Variants in FSCN1 observed in about 807,000 individuals in gnomAD.
FSCN1 encodes fascin.
In FSCN1, 10 loss-of-function variants were observed where a neutral mutation model predicts 39.7. The ratio of observed to expected loss-of-function variants is 0.25; its 90% confidence interval spans 0.16 to 0.43. FSCN1 has a LOEUF of 0.43. FSCN1 is among the 20% of genes least tolerant of loss of function. The pLI, the probability that FSCN1 is intolerant of heterozygous loss-of-function variation, is 1.00. For missense variants in FSCN1, 525 were observed against 723.8 expected, an observed-to-expected ratio of 0.73 and a Z score of 3.15; for synonymous variants, 322 against 320.0, an observed-to-expected ratio of 1.01 and a Z score of -0.07.
In FSCN1 at chr7:5,593,095, C is replaced by G. The variant is rs1212125090; in HGVS notation, c.159C>G (p.Asp53Glu). 2 of 1,605,416 alleles carry G rather than the reference C, an allele frequency of 1.2e-6. No individual in the cohort carries two copies. Among genetic ancestry groups the G allele is most frequent in the Non-Finnish European group, 1.7e-6 (2 of 1,177,248 alleles). The change falls in exon 1 of 5, where the codon GAC becomes GAG. Residue 53 changes from aspartate (D) to glutamate (E), a missense_variant. Asp to Glu is a conservative substitution (Grantham distance 45). Coordinates refer to ENST00000382361, the MANE Select transcript of FSCN1 (RefSeq NM_003088.4). ...TCTGGACGCTGGAGCAGCCCCCTGA[C>G]GAGGCGGGCAGCGCGGCCGTGTGCC... ...KQIWTLEQPP[D>E]EAGSAAVCLR...
chr7:5,598,978 GCTCCCTGC>G (rs1785779025), intron 1 of FSCN1, among the ~76,000 whole-genome samples: 1 of 152,192 alleles, frequency 6.6e-6, no homozygotes, highest in African/African-American at 2.4e-5. Context: ...TGGCCTGACG[GCTCCCTGC>G]AGCCCTGCGG....
chr7:5,600,248 C>T lies in FSCN1; in HGVS notation c.833-3009C>T, dbSNP rs371248235. Among the ~76,000 whole-genome samples, 12 of 152,032 alleles carry T rather than the reference C, an allele frequency of 7.9e-5. No homozygotes were observed. The East Asian group carries it at 1.2e-3, about 15-fold the overall frequency. The stretch of plus-strand genomic sequence containing the variant: ...CCAACATAATGAAACTCCGTCTCTA[C>T]TAAAAATACAAAAAAATTAGCCGGG... On this transcript the variant is annotated intron_variant, in intron 1 of 4. Coordinates refer to ENST00000382361, the MANE Select transcript of FSCN1 (RefSeq NM_003088.4).
chr7:5,603,465 C>CCCCGCCTGACCCTGT lies in FSCN1; in HGVS notation c.990-24_990-10dup, dbSNP rs1390101287. 6.2e-7 allele frequency: 1 copy of CCCCGCCTGACCCTGT among 1,613,908 alleles called. No homozygotes were observed. The highest frequency in any genetic ancestry group is 2.2e-5 in the East Asian group (1 of 44,890). On this transcript the variant is annotated intron_variant, in intron 2 of 4. Coordinates refer to ENST00000382361, the MANE Select transcript of FSCN1 (RefSeq NM_003088.4). This position sits in a 1 kb window ranked among gnomAD's most constrained non-coding sequence, Gnocchi z 8.5. ...CGCCCCCACCACCTTGCCTGGGCTA[C>CCCCGCCTGACCCTGT]CCCGCCTGACCCTGTCCCGCCATCC... is the stretch of plus-strand genomic sequence containing the variant.
chr7:5,593,498 G>A lies in FSCN1; in HGVS notation c.562G>A (p.Val188Met), dbSNP rs371640415. The A allele has an allele frequency of 3.5e-5, 56 of 1,608,840 alleles. No individual in the cohort carries two copies. The Middle Eastern group carries it at 2.0e-3, about 58-fold the overall frequency. Reference protein sequence around the residue: ...TLAFQDQRYSVQTADHRFLRH... With the variant: ...TLAFQDQRYSMQTADHRFLRH... ...CGCCTTCCAGGACCAGCGCTACAGC[G>A]TGCAGACCGCCGACCACCGCTTCCT... Residue 188 changes from valine (V) to methionine (M), a missense_variant, in exon 1 of 5, where the codon GTG becomes ATG. By Grantham distance (21) the Val-to-Met change is conservative (BLOSUM62 1). Transcript: ENST00000382361.
intron 1 of FSCN1, among the ~76,000 whole-genome samples, chr7:5,595,356 C>T (rs1785711477): frequency 6.6e-6 from 1 of 152,222 alleles, no homozygotes; most frequent in African/African-American, 2.4e-5. Context: ...GAAGTGGGTG[C>T]ATTTGGCTCC....
At chr7:5,597,019 C>T (rs557762602) in intron 1 of FSCN1, among the ~76,000 whole-genome samples, 2 of 152,246 alleles carry the variant, frequency 1.3e-5, no homozygotes, top group African/African-American at 2.4e-5. Flanking sequence ...TGTGAGGCAA[C>T]CAGGGGGTGC....
At chr7:5,602,041 T>C (rs1785841279) in intron 1 of FSCN1, among the ~76,000 whole-genome samples, 1 of 151,374 alleles carries the variant, frequency 6.6e-6, no homozygotes, top group Non-Finnish European at 1.5e-5. Context: ...GCCTCCCAGG[T>C]TGAAGTGATT....
In FSCN1 at chr7:5,592,880, C is replaced by T. The variant is rs1286360162; in HGVS notation, c.-57C>T. The T allele has an allele frequency of 9.0e-7, 1 of 1,113,190 alleles. No homozygotes were observed. Among genetic ancestry groups the T allele is most frequent in the Non-Finnish European group, 1.3e-6 (1 of 796,738 alleles). The allele number at this position is 1,113,190 out of a possible 1,614,324, so 69.0% of individuals were successfully genotyped here. ...GAACAAAGGAGCAGGGGCGCCGCCG[C>T]AGGGACCCGCCACCCACCTCCCGGG... On this transcript the variant is annotated 5_prime_UTR_variant, in exon 1 of 5. Coordinates refer to ENST00000382361, the MANE Select transcript of FSCN1 (RefSeq NM_003088.4). This position sits in a 1 kb window ranked among gnomAD's most constrained non-coding sequence, Gnocchi z 5.3.
chr7:5,597,679 C>T (rs1278996514), intron 1 of FSCN1, among the ~76,000 whole-genome samples: 1 of 128,072 alleles, frequency 7.8e-6, no homozygotes. Context: ...AAAAACAAAA[C>T]AAAACAAAAA....
In FSCN1 at chr7:5,605,494, G is replaced by A. The variant is rs373433239; in HGVS notation, c.*20G>A. 8 of 1,513,260 alleles carry A rather than the reference G, an allele frequency of 5.3e-6. No homozygotes were observed. The highest frequency in any genetic ancestry group is 2.5e-5 in the East Asian group (1 of 40,698). The allele number at this position is 1,513,260 out of a possible 1,614,324, so 93.7% of individuals were successfully genotyped here. A position where few individuals can be genotyped will look rare whatever the true frequency, so the allele number is the denominator to read the frequency against. On this transcript the variant is annotated 3_prime_UTR_variant, in exon 5 of 5. Coordinates refer to ENST00000382361, the MANE Select transcript of FSCN1 (RefSeq NM_003088.4). The surrounding 1 kb of genome is among the most constrained non-coding windows in gnomAD (Gnocchi z 6.9). ...TACTAGGGCCGGCCCGTCCTTCCCC[G>A]CCCCTGCCCACATGGCGGCTCCTGC...
Position 5,593,656 on chromosome 7 carries a change from C to G in FSCN1, c.720C>G (p.Leu240=). The G allele has an allele frequency of 1.3e-6, 2 of 1,581,470 alleles. No homozygotes were observed. The highest frequency in any genetic ancestry group is 2.3e-5 in the South Asian group (2 of 88,362). ...YLAPSGPSGT[L]KAGKATKVGK... Reference sequence around the variant, plus strand: ...CGCCGTCGGGGCCCAGCGGCACGCTCAAGGCGGGCAAGGCCACCAAGGTGG... The same window carrying G: ...CGCCGTCGGGGCCCAGCGGCACGCTGAAGGCGGGCAAGGCCACCAAGGTGG... The change falls in exon 1 of 5, where the codon CTC becomes CTG. Residue 240 remains leucine, a synonymous_variant. Transcript: ENST00000382361.
At position 5,599,737 on chromosome 7, in the gene FSCN1, T is replaced by C. The variant is rs1302688953; in HGVS notation, c.833-3520T>C. ...AAGAGGATCCTTTGAGCCCAGGAGG[T>C]GGAGGCTGTAGAGAGCCATGCTTGG... On this transcript the variant is annotated intron_variant, in intron 1 of 4. Transcript: ENST00000382361. This position sits in a 1 kb window ranked among gnomAD's most constrained non-coding sequence, Gnocchi z 5.6. Among the ~76,000 whole-genome samples the C allele has an allele frequency of 2.6e-5, 4 of 151,648 alleles. No individual in the cohort carries two copies. The highest frequency in any genetic ancestry group is 9.7e-5 in the African/African-American group (4 of 41,242).
intron 1 of FSCN1, among the ~76,000 whole-genome samples, chr7:5,595,910 A>G (rs1785721912): frequency 6.6e-6 from 1 of 151,994 alleles, no homozygotes; most frequent in East Asian, 1.9e-4. Flanking sequence ...TCTCCTGAGA[A>G]GCTTGCTGGG....
rs1299592396 is a variant in FSCN1 at position 5,603,900 on chromosome 7, C to T, written c.1149C>T (p.Arg383=). The T allele has an allele frequency of 1.2e-6, 2 of 1,613,906 alleles. No homozygotes were observed. Among genetic ancestry groups the T allele is most frequent in the Non-Finnish European group, 1.7e-6 (2 of 1,180,018 alleles). The change falls in exon 4 of 5, where the codon CGC becomes CGT. Residue 383 remains arginine (R), a synonymous_variant. Transcript: ENST00000382361. This position sits in a 1 kb window ranked among gnomAD's most constrained non-coding sequence, Gnocchi z 8.5. The stretch of plus-strand genomic sequence containing the variant: ...TCTTCCTCATGAAGCTCATCAACCG[C>T]CCCATCATCGTGTTCCGCGGGGAGC... ...SELFLMKLIN[R]PIIVFRGEHG...
At chr7:5,600,688 T>C (rs1481905277) in intron 1 of FSCN1, among the ~76,000 whole-genome samples, 12 of 145,758 alleles carry the variant, frequency 8.2e-5, no homozygotes, top group Admixed American at 4.1e-4. Flanking sequence ...GAGTCTCGCA[T>C]TGTCGCCCAG....
At chr7:5,604,105 C>T (rs1785885763) in intron 4 of FSCN1, 75 bp downstream of exon 4, 1 of 1,395,722 alleles carries the variant, frequency 7.2e-7, no homozygotes, top group African/African-American at 1.4e-5. Context: ...CGGGGAGCGC[C>T]CTCTGCATCC....
chr7:5,603,170 T>G lies in FSCN1; in HGVS notation c.833-87T>G. 6.8e-7 allele frequency: 1 copy of G among 1,463,008 alleles called. No homozygotes were observed. Among genetic ancestry groups the G allele is most frequent in the Non-Finnish European group, 9.4e-7 (1 of 1,064,248 alleles). The allele number at this position is 1,463,008 out of a possible 1,614,324, so 90.6% of individuals were successfully genotyped here. On this transcript the variant is annotated intron_variant, in intron 1 of 4. Transcript: ENST00000382361. The surrounding 1 kb of genome is among the most constrained non-coding windows in gnomAD (Gnocchi z 8.5). ...CCCCACCCCGTGGTGTTACCTTGCG[T>G]GTGTAGTTCTGTGAGCTCAGGGCTA...
In FSCN1 at chr7:5,593,605, C is replaced by G. The variant is rs1311981770; in HGVS notation, c.669C>G (p.Phe223Leu). The change falls in exon 1 of 5, where the codon TTC (phenylalanine) becomes TTG (leucine). Residue 223 changes from phenylalanine (F) to leucine (L), a missense_variant. Phe to Leu is a conservative substitution (Grantham distance 22). Coordinates refer to ENST00000382361, the MANE Select transcript of FSCN1 (RefSeq NM_003088.4). ...TLEFRSGKVAFRDCEGRYLAP... is the reference protein window; with the variant it reads ...TLEFRSGKVALRDCEGRYLAP... ...AGTTCCGCTCCGGCAAGGTGGCCTTCCGCGACTGCGAGGGCCGTTACCTGG... is the reference window on the plus strand; with the variant it reads ...AGTTCCGCTCCGGCAAGGTGGCCTTGCGCGACTGCGAGGGCCGTTACCTGG... The G allele has an allele frequency of 5.8e-6, 9 of 1,558,736 alleles. No individual in the cohort carries two copies. In the South Asian group the frequency reaches 1.0e-4, roughly 18 times the overall value.
At position 5,593,490 on chromosome 7, in the gene FSCN1, G is replaced by A. The variant is rs1367765454; in HGVS notation, c.554G>A (p.Arg185His). Residue 185 changes from arginine (R) to histidine (H), a missense_variant, in exon 1 of 5, where the codon CGC becomes CAC. Arg to His is a conservative substitution (Grantham distance 29). Transcript: ENST00000382361. ...SLITLAFQDQ[R>H]YSVQTADHRF... ...ATCACCCTCGCCTTCCAGGACCAGC[G>A]CTACAGCGTGCAGACCGCCGACCAC... The A allele has an allele frequency of 6.2e-7, 1 of 1,610,390 alleles. No homozygotes were observed. Among genetic ancestry groups the A allele is most frequent in the Non-Finnish European group, 8.5e-7 (1 of 1,179,438 alleles).
Sources: gnomAD v4.1 joint callset for allele counts (sites outside exome capture counted in the v4.1 genomes callset) on GRCh38, gnomAD v4.1.1 for gene constraint, Gnocchi (gnomAD v3.1) non-coding constraint, MANE v1.5 for transcripts, NCBI Gene and HGNC (gene_info 2026-07-23, HGNC 2026-07-21) for gene names.